GPC6: variants seen among roughly 807,000 people sequenced by gnomAD.
GPC6 encodes glypican-6.
A neutral mutation model predicts 55.2 loss-of-function variants in GPC6; 14 were observed. The observed-to-expected ratio is 0.25, with a 90% confidence interval of 0.17 to 0.40. GPC6 has a LOEUF of 0.40. GPC6 is among the 10% of genes least tolerant of loss of function. The pLI, the probability that GPC6 is intolerant of heterozygous loss-of-function variation, is 1.00. For synonymous variants in GPC6, 278 were observed against 259.6 expected, an observed-to-expected ratio of 1.07 and a Z score of -0.68; for missense variants, 641 against 708.5, an observed-to-expected ratio of 0.90 and a Z score of 1.08.
chr13:93,830,276 AG>A lies in GPC6; in HGVS notation c.444del (p.Arg148SerfsTer8). 6.2e-7 allele frequency: 1 copy of A among 1,613,722 alleles called. No homozygotes were observed. The highest frequency in any genetic ancestry group is 8.5e-7 in the Non-Finnish European group (1 of 1,179,710). ...VFQDLFTELK[R>X]YYTGGNVNLE... Reference sequence around the variant, plus strand: ...CCAGGACCTCTTCACAGAGCTGAAAAGGTACTACACTGGGGGTAATGTGAAT... The same window carrying A: ...CCAGGACCTCTTCACAGAGCTGAAAAGTACTACACTGGGGGTAATGTGAAT... On this transcript the variant is annotated frameshift_variant, in exon 3 of 9. Coordinates refer to ENST00000377047, the MANE Select transcript of GPC6 (RefSeq NM_005708.5). LOFTEE classifies it high-confidence loss of function.
At chr13:94,302,535 A>G (rs1393494346) in intron 5 of GPC6, among the ~76,000 whole-genome samples, 1 of 152,260 alleles carries the variant, frequency 6.6e-6, no homozygotes, top group Non-Finnish European at 1.5e-5. Context: ...TTTACTTTGT[A>G]AGTCATCTAA....
At chr13:93,934,745 A>G (rs567937015) in intron 3 of GPC6, among the ~76,000 whole-genome samples, 3 of 151,322 alleles carry the variant, frequency 2.0e-5, no homozygotes, top group Non-Finnish European at 4.4e-5. Flanking sequence ...CATCATCTGA[A>G]TGTTTTATAT....
At chr13:94,195,522 CATT>C (rs146504095) in intron 4 of GPC6, among the ~76,000 whole-genome samples, 1,905 of 152,316 alleles carry the variant, frequency 0.013, 37 homozygotes, top group African/African-American at 0.043. Context: ...TGCATGTTCA[CATT>C]ATTATTCTCG....
chr13:93,781,785 A>G lies in GPC6; in HGVS notation c.320-48369A>G, dbSNP rs187288022. ...AACTATGTATATAGGTAAAATACCT[A>G]TTAGGGTCAGCATCTTTTGAAAAAT... On this transcript the variant is annotated intron_variant, in intron 2 of 8. Coordinates refer to ENST00000377047, the MANE Select transcript of GPC6 (RefSeq NM_005708.5). 5.2e-3 allele frequency among the ~76,000 whole-genome samples: 787 copies of G among 152,258 alleles called. 6 individuals carry two copies. Among genetic ancestry groups the G allele is most frequent in the African/African-American group, 0.018 (753 of 41,540 alleles).
At chr13:94,368,330 G>A (rs1000703692) in intron 6 of GPC6, among the ~76,000 whole-genome samples, 12 of 152,126 alleles carry the variant, frequency 7.9e-5, no homozygotes, top group African/African-American at 9.6e-5. Context: ...GGTCAAAGTC[G>A]GCTTTAGATT....
At chr13:93,280,639 G>A (rs1475832771) in intron 1 of GPC6, among the ~76,000 whole-genome samples, 1 of 152,210 alleles carries the variant, frequency 6.6e-6, no homozygotes, top group Non-Finnish European at 1.5e-5. Flanking sequence ...AAACCAAGCA[G>A]GCCAGATAAG....
intron 2 of GPC6, among the ~76,000 whole-genome samples, chr13:93,678,107 T>G (rs993717917): frequency 7.2e-5 from 11 of 152,152 alleles, no homozygotes; most frequent in Non-Finnish European, 1.5e-4. Flanking sequence ...CTTTCTCTAT[T>G]TACAGGCAAA....
intron 3 of GPC6, among the ~76,000 whole-genome samples, chr13:93,992,195 A>G (rs933606331): frequency 3.3e-5 from 5 of 151,018 alleles, no homozygotes; most frequent in Admixed American, 2.6e-4. Flanking sequence ...ATATATATAT[A>G]TGTGGGTGTG....
Position 93,796,546 on chromosome 13 carries a change from G to A in GPC6, c.320-33608G>A, listed in dbSNP as rs370564493. ...TGACATTCTGAACATATTAAATGAC[G>A]TTAAATTAAAAAAATCAAAAGATAG... On this transcript the variant is annotated intron_variant, in intron 2 of 8. Transcript: ENST00000377047. Among the ~76,000 whole-genome samples the A allele has an allele frequency of 2.3e-4, 35 of 152,132 alleles. No homozygotes were observed. The East Asian group carries it at 4.7e-3, about 20-fold the overall frequency.
At chr13:94,261,498 G>A (rs1049790241) in intron 4 of GPC6, among the ~76,000 whole-genome samples, 2 of 152,194 alleles carry the variant, frequency 1.3e-5, no homozygotes, top group African/African-American at 2.4e-5. Context: ...TAGTGTTTAC[G>A]TGTGAGGTCA....
intron 1 of GPC6, among the ~76,000 whole-genome samples, chr13:93,523,159 A>C (rs900779150): frequency 6.1e-5 from 9 of 146,550 alleles, no homozygotes; most frequent in African/African-American, 2.0e-4. Context: ...TTATCCATAT[A>C]TGTACATATA....
intron 2 of GPC6, among the ~76,000 whole-genome samples, chr13:93,722,943 A>G (rs1328157599): frequency 2.6e-5 from 4 of 151,624 alleles, no homozygotes; most frequent in African/African-American, 9.7e-5. Context: ...GCCACTTGAG[A>G]CCCCCATGAC....
chr13:94,306,239 C>A (rs773099322), intron 6 of GPC6, 116 bp downstream of exon 6: 6 of 981,520 alleles, frequency 6.1e-6, no homozygotes, highest in African/African-American at 1.6e-5. Flanking sequence ...ATGCTTATAT[C>A]TGCCTCTGTT....
At chr13:93,387,093 C>G (rs903786285) in intron 1 of GPC6, among the ~76,000 whole-genome samples, 30 of 151,536 alleles carry the variant, frequency 2.0e-4, no homozygotes, top group African/African-American at 6.8e-4. Flanking sequence ...GGAGAGAATA[C>G]TATTTCACAC....
At chr13:94,214,643 A>T (rs1301434664) in intron 4 of GPC6, among the ~76,000 whole-genome samples, 2 of 151,920 alleles carry the variant, frequency 1.3e-5, no homozygotes, top group African/African-American at 2.4e-5. Flanking sequence ...TGGATTGGAA[A>T]TTTTTTTTCA....
At chr13:93,984,777 T>C (rs2140408347) in intron 3 of GPC6, among the ~76,000 whole-genome samples, 2 of 152,302 alleles carry the variant, frequency 1.3e-5, no homozygotes, top group South Asian at 4.1e-4. Flanking sequence ...GAATCATCTG[T>C]ACAAACTAAA....
intron 6 of GPC6, among the ~76,000 whole-genome samples, chr13:94,330,876 T>C (rs921126102): frequency 1.3e-5 from 2 of 152,096 alleles, no homozygotes; most frequent in Non-Finnish European, 2.9e-5. Context: ...TTGGGTTGAT[T>C]GCTGTCCTTT....
chr13:93,346,897 G>A (rs1880451182), intron 1 of GPC6, among the ~76,000 whole-genome samples: 1 of 146,280 alleles, frequency 6.8e-6, no homozygotes. Flanking sequence ...AACTAGGTAT[G>A]TTTATTTCTA....
In GPC6 at chr13:93,952,820, CAT is replaced by C. The variant is rs140592999; in HGVS notation, c.712-74901_712-74900del. ...TGAGATATAGGTATACACACACACA[CAT>C]ATATATACGTATATATCACACATAT... On this transcript the variant is annotated intron_variant, in intron 3 of 8. Transcript: ENST00000377047. Among the ~76,000 whole-genome samples, 1,381 of 145,346 alleles carry C rather than the reference CAT, an allele frequency of 9.5e-3. 22 individuals are homozygous for C. Among genetic ancestry groups the C allele is most frequent in the African/African-American group, 0.033 (1,299 of 39,460 alleles).
Sources: allele counts gnomAD v4.1 joint callset (sites outside exome capture counted in the v4.1 genomes callset), GRCh38; gene constraint gnomAD v4.1.1; transcripts MANE v1.5; gene names NCBI Gene and HGNC (gene_info 2026-07-23, HGNC 2026-07-21).